The following COA1 variants were observed in gnomAD, a reference collection of about 807,000 sequenced individuals.
COA1 encodes the protein cytochrome c oxidase assembly factor 1 homolog.
COA1 carries 13 observed loss-of-function variants against 16.0 expected under a neutral mutation model. The ratio of observed to expected loss-of-function variants is 0.81; its 90% CI spans 0.53 to 1.29. The LOEUF (loss-of-function observed/expected upper bound fraction) is 1.29. Among genes scored for constraint, COA1 ranks in the 50% most tolerant of loss-of-function variants. COA1 has a pLI of 0.00. For synonymous variants in COA1, 65 were observed against 65.7 expected, an observed-to-expected ratio of 0.99 and a Z score of 0.05; for missense variants, 179 against 177.0, an observed-to-expected ratio of 1.01 and a Z score of -0.06.
At position 43,647,576 on chromosome 7, in the gene COA1, A is replaced by G. The variant is rs1463730425; in HGVS notation, c.74T>C (p.Phe25Ser). ...CACAATGGCAAAGCCCCCGGCATAG[A>G]ACACACCGTGGAAAAGGATCCTTGC... ...LGARILFHGV[F>S]YAGGFAIVYY... is the part of the protein sequence containing the mutation. Residue 25 changes from phenylalanine (F) to serine (S), a missense_variant, in exon 3 of 6, where the codon TTC becomes TCC. Physicochemically the swap from Phe to Ser is radical, Grantham distance 155. Coordinates refer to ENST00000223336, the MANE Select transcript of COA1 (RefSeq NM_018224.4). 10 of 1,613,990 alleles carry G rather than the reference A, an allele frequency of 6.2e-6. No homozygotes were observed. Among genetic ancestry groups the G allele is most frequent in the Non-Finnish European group, 8.5e-6 (10 of 1,179,954 alleles).
intron 6 of COA1, chr7:43,619,819 C>A (rs2083693794): frequency 1.4e-6 from 2 of 1,429,210 alleles, no homozygotes; most frequent in Admixed American, 4.5e-5. Flanking sequence ...AGCCAGCTAT[C>A]TACTATGTTG....
chr7:43,626,129 T>C (rs1453487384), intron 6 of COA1: 1 of 152,200 alleles, frequency 6.6e-6, no homozygotes, highest in Non-Finnish European at 1.5e-5. Context: ...CTATCACCTG[T>C]GTGCTGTGTA....
chr7:43,653,201 A>T (rs1303481046), intron 1 of COA1, among the ~76,000 whole-genome samples: 2 of 151,938 alleles, frequency 1.3e-5, no homozygotes, highest in Non-Finnish European at 2.9e-5. Context: ...AGTCCCAGCT[A>T]CTCGGGAGGC....
chr7:43,645,294 T>G lies in COA1; in HGVS notation c.221A>C (p.Lys74Thr). The G allele has an allele frequency of 6.2e-7, 1 of 1,614,018 alleles. No individual in the cohort carries two copies. The highest frequency in any genetic ancestry group is 1.1e-5 in the South Asian group (1 of 91,076). Residue 74 changes from lysine to threonine, a missense_variant, in exon 4 of 6, where the codon AAG (lysine) becomes ACG (threonine). Lys to Thr is a moderately conservative substitution (Grantham distance 78). Transcript: ENST00000223336. ...CACGAAGTTTTCCCTGTCGATGAGC[T>G]TGAGATAATGGATGTTGAGAGGAGG... The part of the protein sequence containing the change: ...LGPPLNIHYL[K>T]LIDRENFVDI...
intron 1 of COA1, among the ~76,000 whole-genome samples, chr7:43,675,391 T>A (rs1330239012): frequency 1.4e-5 from 2 of 147,256 alleles, no homozygotes; most frequent in Non-Finnish European, 3.0e-5. Flanking sequence ...TGAGAACACA[T>A]GGACACAGGA....
chr7:43,690,018 T>C (rs2094202510), intron 1 of COA1, among the ~76,000 whole-genome samples: 1 of 152,114 alleles, frequency 6.6e-6, no homozygotes, highest in South Asian at 2.1e-4. Flanking sequence ...AAGATGAAGA[T>C]GGTAGACTTA....
At chr7:43,647,976 C>A in intron 2 of COA1, 1 of 264,972 alleles carries the variant, frequency 3.8e-6, no homozygotes, top group Non-Finnish European at 7.2e-6. Context: ...GAAGCACAAC[C>A]ACTTTGTCTC....
At chr7:43,680,991 A>G (rs1214219342) in intron 1 of COA1, among the ~76,000 whole-genome samples, 1 of 152,122 alleles carries the variant, frequency 6.6e-6, no homozygotes, top group East Asian at 1.9e-4. Context: ...GGTACTTTTC[A>G]GCTCAAGAAA....
downstream of COA1, among the ~76,000 whole-genome samples, chr7:43,634,880 CAAT>C (rs1004730336): frequency 1.2e-4 from 19 of 152,038 alleles, no homozygotes; most frequent in African/African-American, 3.9e-4. Flanking sequence ...CATATTTGCC[CAAT>C]ATTAGGCAAA....
At chr7:43,635,064 GT>G (rs2153046824), downstream of COA1, among the ~76,000 whole-genome samples, 1 of 152,208 alleles carries the variant, frequency 6.6e-6, no homozygotes, top group Non-Finnish European at 1.5e-5. Flanking sequence ...CTTCTACTTT[GT>G]TTTGAATAGT....
intron 1 of COA1, among the ~76,000 whole-genome samples, chr7:43,670,540 A>G (rs148721307): frequency 1.2e-3 from 179 of 152,298 alleles, no homozygotes; most frequent in African/African-American, 4.2e-3. Context: ...AACACGTACT[A>G]TATCTAGATG....
intron 1 of COA1, among the ~76,000 whole-genome samples, chr7:43,723,229 T>C (rs751268693): frequency 6.6e-6 from 1 of 152,198 alleles, no homozygotes; most frequent in Non-Finnish European, 1.5e-5. Context: ...AAGTTTTGGT[T>C]GAGCCACACT....
At chr7:43,685,100 A>G (rs540874491) in intron 1 of COA1, among the ~76,000 whole-genome samples, 1 of 151,618 alleles carries the variant, frequency 6.6e-6, no homozygotes, top group South Asian at 2.1e-4. Flanking sequence ...AGTGATTCAT[A>G]ATTGCACCAT....
In COA1 at chr7:43,665,324, G is replaced by A. The variant is rs146110280; in HGVS notation, c.-38-16672C>T. On this transcript the variant is annotated intron_variant, in intron 1 of 5. Transcript: ENST00000223336. ...CAGTATTTAACGAGCAGTATAGAGC[G>A]TCAAAATTAAGAAAATCAACTATTA... 7.2e-5 allele frequency among the ~76,000 whole-genome samples: 11 copies of A among 152,282 alleles called. No individual in the cohort carries two copies. The East Asian group carries it at 7.7e-4, about 11-fold the overall frequency.
At chr7:43,633,801 GC>G (rs1441448821) in intron 6 of COA1, among the ~76,000 whole-genome samples, 2 of 146,806 alleles carry the variant, frequency 1.4e-5, no homozygotes, top group African/African-American at 2.4e-5. Flanking sequence ...TAAACTCTCA[GC>G]CATTTTTTTT....
chr7:43,675,535 G>A (rs2093474665), intron 1 of COA1, among the ~76,000 whole-genome samples: 1 of 151,946 alleles, frequency 6.6e-6, no homozygotes, highest in Admixed American at 6.6e-5. Context: ...CACCAACATG[G>A]CACATGTATA....
chr7:43,654,111 C>A (rs570591214), intron 1 of COA1, among the ~76,000 whole-genome samples: 2 of 152,232 alleles, frequency 1.3e-5, no homozygotes, highest in South Asian at 4.1e-4. Flanking sequence ...CAGAGATGGC[C>A]AGAAAGCCTG....
At chr7:43,688,373 AT>A (rs2094131297) in intron 1 of COA1, among the ~76,000 whole-genome samples, 1 of 152,216 alleles carries the variant, frequency 6.6e-6, no homozygotes, top group Non-Finnish European at 1.5e-5. Context: ...CATTGAAGAG[AT>A]TTTTTCCATA....
At chr7:43,687,873 T>C (rs1044674639) in intron 1 of COA1, among the ~76,000 whole-genome samples, 1 of 152,202 alleles carries the variant, frequency 6.6e-6, no homozygotes, top group Non-Finnish European at 1.5e-5. Context: ...CCCACCCAAA[T>C]CTCATCTTGA....
Sources: gnomAD v4.1 joint callset for allele counts (sites outside exome capture counted in the v4.1 genomes callset) on GRCh38, gnomAD v4.1.1 for gene constraint, MANE v1.5 for transcripts, NCBI Gene and HGNC (gene_info 2026-07-23, HGNC 2026-07-21) for gene names.